FARP2: variants seen among roughly 807,000 people sequenced by gnomAD.
FARP2 encodes FERM, ARHGEF and pleckstrin domain-containing protein 2.
Under a neutral mutation model 130.5 loss-of-function variants are expected in FARP2, and 111 were observed. The ratio of observed to expected loss-of-function variants is 0.85; its 90% CI spans 0.73 to 1.00. The LOEUF is 1.00. Among genes scored for constraint, FARP2 ranks in the 50% least tolerant of loss-of-function variants. The pLI is 0.00. For synonymous variants in FARP2, 504 were observed against 516.9 expected (o/e 0.98, Z 0.34); for missense variants, 1,385 against 1,346.3 (o/e 1.03, Z -0.45).
chr2:241,453,876 C>T (rs111842258), intron 13 of FARP2, among the ~76,000 whole-genome samples: 7 of 140,162 alleles, frequency 5.0e-5, no homozygotes, highest in South Asian at 2.4e-4. Context: ...CTCCACCTCC[C>T]GGGTTCAAGC....
At chr2:241,439,582 G>A (rs1168290365) in intron 12 of FARP2, among the ~76,000 whole-genome samples, 2 of 152,122 alleles carry the variant, frequency 1.3e-5, no homozygotes, top group Non-Finnish European at 2.9e-5. Flanking sequence ...GCCCGACTCG[G>A]CCTCCCAAAG....
chr2:241,490,110 G>A (rs1043809725), intron 22 of FARP2, 66 bp downstream of exon 22: 15 of 1,123,692 alleles, frequency 1.3e-5, no homozygotes, highest in South Asian at 7.4e-5. Context: ...TCCTCGCCAT[G>A]AGCCTCTGAG....
intron 13 of FARP2, among the ~76,000 whole-genome samples, chr2:241,453,700 G>A (rs1238401894): frequency 6.7e-6 from 1 of 149,020 alleles, no homozygotes; most frequent in Non-Finnish European, 1.5e-5. Context: ...TATTCCAAAT[G>A]AGCAGTGTAT....
rs532344574 is a variant in FARP2 at position 241,419,653 on chromosome 2, G to A, written c.771+1544G>A. 6.6e-5 allele frequency among the ~76,000 whole-genome samples: 10 copies of A among 152,314 alleles called. No homozygotes were observed. In the East Asian group the frequency reaches 1.9e-3, roughly 29 times the overall value. On this transcript the variant is annotated intron_variant, in intron 8 of 26. Coordinates refer to ENST00000264042, the MANE Select transcript of FARP2 (RefSeq NM_014808.4). Reference sequence around the variant, plus strand: ...GTGGGACCTGACTTTGCAGAGTAGGGAAGGCTGGAATCTCACAGCCTTCAG... The same window carrying A: ...GTGGGACCTGACTTTGCAGAGTAGGAAAGGCTGGAATCTCACAGCCTTCAG...
chr2:241,359,719 T>C (rs2061142152), intron 1 of FARP2, among the ~76,000 whole-genome samples: 1 of 152,220 alleles, frequency 6.6e-6, no homozygotes, highest in Admixed American at 6.5e-5. Flanking sequence ...TCTCCCTTTC[T>C]GAATTAAACT....
chr2:241,453,115 A>G (rs1311536653), intron 13 of FARP2, among the ~76,000 whole-genome samples: 2 of 141,070 alleles, frequency 1.4e-5, no homozygotes, highest in Admixed American at 1.4e-4. Context: ...GGATCACTTG[A>G]GGTCAGGAGT....
intron 18 of FARP2, among the ~76,000 whole-genome samples, chr2:241,469,787 A>G (rs2124824018): frequency 6.6e-6 from 1 of 152,338 alleles, no homozygotes; most frequent in African/African-American, 2.4e-5. Context: ...TTCTGGCCAC[A>G]TCTACCATGT....
At chr2:241,466,980 C>T (rs987006667) in intron 17 of FARP2, among the ~76,000 whole-genome samples, 2 of 151,822 alleles carry the variant, frequency 1.3e-5, no homozygotes, top group African/African-American at 4.8e-5. Context: ...TTTAGCTGAG[C>T]GCAGTGGCTC....
chr2:241,407,610 T>C lies in FARP2; in HGVS notation c.405T>C (p.Tyr135=), dbSNP rs2062397049. Residue 135 remains tyrosine, a synonymous_variant, in exon 5 of 27, where the codon TAT becomes TAC. Coordinates refer to ENST00000264042, the MANE Select transcript of FARP2 (RefSeq NM_014808.4). ...PPDPGQLQEE[Y]TRYLFALQLK... is the part of the protein sequence containing the mutation. ...ATCCTGGTCAGCTACAAGAAGAATA[T>C]ACAAGGTAAAGAGCTCACAGAGCTG... 2 of 1,612,886 alleles carry C rather than the reference T, an allele frequency of 1.2e-6. No homozygotes were observed. The highest frequency in any genetic ancestry group is 4.5e-5 in the East Asian group (2 of 44,868).
Position 241,468,152 on chromosome 2 carries a change from T to C in FARP2, c.1906T>C (p.Tyr636His). 6.2e-7 allele frequency: 1 copy of C among 1,612,920 alleles called. No individual in the cohort carries two copies. Among genetic ancestry groups the C allele is most frequent in the Non-Finnish European group, 8.5e-7 (1 of 1,178,992 alleles). The change falls in exon 18 of 27, where the codon TAC becomes CAC. Residue 636 changes from tyrosine to histidine, a missense_variant. Tyr to His is a moderately conservative substitution (Grantham distance 83, BLOSUM62 2). Transcript: ENST00000264042. ...NMRQLKEFTSYFQRHDEVLTE... is the reference protein window; with the variant it reads ...NMRQLKEFTSHFQRHDEVLTE... ...TGCGCCTCCACAGGAGTTTACCAGC[T>C]ACTTCCAAAGACATGACGAGGTCCT...
rs2064434650 is a variant in FARP2, at chr2:241,475,473, C to T, written c.2132-384C>T. ...ATTTACAGCCACTCCCCATTGCTTG[C>T]ATTACCACCTGAGCTCCTCCTCCTG... On this transcript the variant is annotated intron_variant, in intron 18 of 26. Transcript: ENST00000264042. This position sits in a 1 kb window ranked among gnomAD's most constrained non-coding sequence, Gnocchi z 4.4. 6.6e-6 allele frequency among the ~76,000 whole-genome samples: 1 copy of T among 152,188 alleles called. No individual in the cohort carries two copies. The highest frequency in any genetic ancestry group is 1.5e-5 in the Non-Finnish European group (1 of 68,034).
chr2:241,401,328 A>G (rs913056057), intron 2 of FARP2, among the ~76,000 whole-genome samples: 1 of 152,236 alleles, frequency 6.6e-6, no homozygotes, highest in Non-Finnish European at 1.5e-5. Flanking sequence ...GAGATGTTAT[A>G]GAAGTGAAGA....
chr2:241,478,389 A>G (rs1310930250), intron 19 of FARP2: 2 of 237,978 alleles, frequency 8.4e-6, no homozygotes, highest in African/African-American at 2.3e-5. Context: ...GCTGCAGTGC[A>G]AGACTCAGAG....
intron 13 of FARP2, chr2:241,442,383 A>G (rs570983678): frequency 8.3e-5 from 38 of 456,702 alleles, no homozygotes; most frequent in African/African-American, 7.0e-4. Context: ...AGTCAGACTC[A>G]TGGGACTCTG....
chr2:241,447,762 T>C (rs777412266), intron 13 of FARP2, among the ~76,000 whole-genome samples: 2 of 152,166 alleles, frequency 1.3e-5, no homozygotes, highest in Non-Finnish European at 2.9e-5. Flanking sequence ...TCCATGCCTC[T>C]CTAGCCCCAC....
At chr2:241,462,459 T>A (rs1192979428) in intron 14 of FARP2, 64 bp from the exon 15 acceptor site, 7 of 1,154,746 alleles carry the variant, frequency 6.1e-6, no homozygotes, top group Non-Finnish European at 9.1e-6. Context: ...AACTTCAGGC[T>A]CCCTGAGCGT....
At chr2:241,367,574 T>G (rs990794943) in intron 1 of FARP2, among the ~76,000 whole-genome samples, 4 of 152,172 alleles carry the variant, frequency 2.6e-5, no homozygotes, top group African/African-American at 9.7e-5. Context: ...GCAGTGGACT[T>G]TCATATTAGA....
rs746133419 is a variant in FARP2, at chr2:241,441,546, G to A, written c.1401G>A (p.Gln467=). ...AGCCCCTCGGGCCCCCCGCACTCCA[G>A]CCTGGTCCAGGTGTCGGGTTTTGTC... is the stretch of plus-strand genomic sequence containing the variant. ...SAQPLGPPAL[Q]PGPGLSTKSP... is the part of the protein sequence containing the mutation. Residue 467 remains glutamine (Q), a synonymous_variant, in exon 13 of 27, where the codon CAG becomes CAA. Transcript: ENST00000264042. 1.2e-6 allele frequency: 2 copies of A among 1,613,924 alleles called. No individual in the cohort carries two copies. The highest frequency in any genetic ancestry group is 3.3e-5 in the Admixed American group (2 of 60,004).
intron 8 of FARP2, among the ~76,000 whole-genome samples, chr2:241,427,792 G>A (rs139768259): frequency 0.012 from 1,787 of 151,838 alleles, 11 homozygotes; most frequent in Non-Finnish European, 0.018. Context: ...TTGAGATGGA[G>A]TCTCACTCTG....
Sources: gnomAD v4.1 joint callset for allele counts (sites outside exome capture counted in the v4.1 genomes callset) on GRCh38, gnomAD v4.1.1 for gene constraint, Gnocchi (gnomAD v3.1) non-coding constraint, MANE v1.5 for transcripts, NCBI Gene and HGNC (gene_info 2026-07-23, HGNC 2026-07-21) for gene names.